VWA8: variants seen among roughly 807,000 people sequenced by gnomAD.
VWA8 encodes the protein von Willebrand factor A domain containing 8.
VWA8 carries 221 observed loss-of-function variants against 241.5 expected under a neutral mutation model. That is an observed-to-expected ratio of 0.91 (90% CI 0.82 to 1.02). The LOEUF (loss-of-function observed/expected upper bound fraction) is 1.02. Among genes scored for constraint, VWA8 ranks in the 50% least tolerant of loss-of-function variants. The pLI, the probability that VWA8 is intolerant of heterozygous loss-of-function variation, is 0.00. For missense variants in VWA8, 2,322 were observed against 2,328.7 expected (o/e 1.00, Z 0.06); for synonymous variants, 852 against 827.1 (o/e 1.03, Z -0.52).
intron 9 of VWA8, among the ~76,000 whole-genome samples, chr13:41,872,344 C>A (rs1428939369): frequency 1.3e-5 from 2 of 152,194 alleles, no homozygotes; most frequent in Non-Finnish European, 2.9e-5. Context: ...GCTTTTCTTG[C>A]CATTGCTTTT....
intron 37 of VWA8, among the ~76,000 whole-genome samples, chr13:41,647,692 A>G (rs1476627646): frequency 6.6e-6 from 1 of 152,192 alleles, no homozygotes; most frequent in Non-Finnish European, 1.5e-5. Context: ...TACATCGCTA[A>G]AAGAATTCAA....
intron 35 of VWA8, among the ~76,000 whole-genome samples, chr13:41,684,513 T>C (rs2045121968): frequency 6.6e-6 from 1 of 152,174 alleles, no homozygotes; most frequent in African/African-American, 2.4e-5. Flanking sequence ...CCAGTTATTT[T>C]AGTTCTGTGT....
At chr13:41,692,667 G>T (rs1014546317) in intron 30 of VWA8, among the ~76,000 whole-genome samples, 195 bp downstream of exon 30, 3 of 151,966 alleles carry the variant, frequency 2.0e-5, no homozygotes, top group African/African-American at 4.8e-5. Flanking sequence ...GTCATAAAAA[G>T]AATTTATTGA....
chr13:41,805,003 A>G (rs1334460534), intron 17 of VWA8, among the ~76,000 whole-genome samples: 2 of 152,228 alleles, frequency 1.3e-5, no homozygotes, highest in Non-Finnish European at 2.9e-5. Flanking sequence ...AAGAAGAAAG[A>G]GAAGACCATA....
chr13:41,703,472 A>T, intron 26 of VWA8, 61 bp from the exon 27 acceptor site: 1 of 1,436,030 alleles, frequency 7.0e-7, no homozygotes, highest in South Asian at 1.2e-5. Flanking sequence ...AGAAAAAAAT[A>T]ACACGGCATC....
Position 41,685,248 on chromosome 13 carries a change from A to G in VWA8, c.4132-6T>C. The G allele has an allele frequency of 1.2e-6, 2 of 1,608,878 alleles. No homozygotes were observed. The highest frequency in any genetic ancestry group is 2.2e-5 in the East Asian group (1 of 44,764). On this transcript the variant is annotated splice_region_variant and splice_polypyrimidine_tract_variant and intron_variant, in intron 34 of 44. Transcript: ENST00000379310. ...GAATAAACTTCACTGGGTGACTGAAAAAAAGAAAGAGATTAAAGTACTGAA... is the reference window on the plus strand; with the variant it reads ...GAATAAACTTCACTGGGTGACTGAAGAAAAGAAAGAGATTAAAGTACTGAA...
intron 14 of VWA8, among the ~76,000 whole-genome samples, chr13:41,820,458 C>A (rs912385280): frequency 1.3e-5 from 2 of 152,078 alleles, no homozygotes; most frequent in Non-Finnish European, 2.9e-5. Context: ...TCTACCAAGT[C>A]CCTGACGGCA....
At chr13:41,580,342 G>A (rs569491419) in intron 42 of VWA8, among the ~76,000 whole-genome samples, 42 of 152,308 alleles carry the variant, frequency 2.8e-4, no homozygotes, top group Non-Finnish European at 5.4e-4. Context: ...GTAGCAATAA[G>A]AATTTATTCA....
intron 17 of VWA8, among the ~76,000 whole-genome samples, chr13:41,807,065 T>C (rs926410729): frequency 6.6e-6 from 1 of 152,040 alleles, no homozygotes; most frequent in Non-Finnish European, 1.5e-5. Context: ...TGAGAAACTA[T>C]ATGCCAACAC....
chr13:41,770,289 A>C (rs2045809902), intron 20 of VWA8, among the ~76,000 whole-genome samples: 1 of 151,696 alleles, frequency 6.6e-6, no homozygotes, highest in African/African-American at 2.4e-5. Context: ...AAATACAAAA[A>C]AATTAGCCAG....
chr13:41,745,653 A>C (rs1276091143), intron 21 of VWA8, among the ~76,000 whole-genome samples: 2 of 152,174 alleles, frequency 1.3e-5, no homozygotes, highest in Non-Finnish European at 2.9e-5. Context: ...CAAAACCACA[A>C]TGAGATGCCA....
chr13:41,907,537 G>T (rs1447351355), intron 4 of VWA8, 49 bp downstream of exon 4: 3 of 1,522,600 alleles, frequency 2.0e-6, no homozygotes, highest in African/African-American at 1.4e-5. Context: ...AATCAATCTT[G>T]TATAGACCTG....
chr13:41,586,016 G>C (rs1437158274), intron 42 of VWA8, among the ~76,000 whole-genome samples: 1 of 152,032 alleles, frequency 6.6e-6, no homozygotes, highest in Middle Eastern at 3.2e-3. Context: ...CATTAGGTAG[G>C]ATATGGGTAT....
chr13:41,930,058 A>C (rs527624386), intron 2 of VWA8, among the ~76,000 whole-genome samples: 54 of 152,234 alleles, frequency 3.5e-4, no homozygotes, highest in Non-Finnish European at 2.5e-4. Context: ...ACCCAATTTA[A>C]AAATGGGCAA....
chr13:41,960,598 C>A (rs1049396847), intron 1 of VWA8, among the ~76,000 whole-genome samples: 1 of 152,226 alleles, frequency 6.6e-6, no homozygotes, highest in Non-Finnish European at 1.5e-5. Flanking sequence ...AGAAATCACT[C>A]TTCTAGGTCA....
intron 9 of VWA8, among the ~76,000 whole-genome samples, chr13:41,874,918 T>C (rs1023788753): frequency 6.6e-6 from 1 of 152,064 alleles, no homozygotes; most frequent in Non-Finnish European, 1.5e-5. Flanking sequence ...AGAGGCAATC[T>C]AGCTGCCTCC....
At position 41,623,693 on chromosome 13, in the gene VWA8, G is replaced by A. The variant is rs182897891; in HGVS notation, c.4612-8609C>T. 3.0e-3 allele frequency among the ~76,000 whole-genome samples: 460 copies of A among 152,278 alleles called. 2 individuals are homozygous for A. The highest frequency in any genetic ancestry group is 0.01 in the African/African-American group (428 of 41,562). On this transcript the variant is annotated intron_variant, in intron 37 of 44. Transcript: ENST00000379310. The stretch of plus-strand genomic sequence containing the variant: ...CATACTCTTGTGCAAACATTCCTAT[G>A]TATGTGTGTGGTGCATCTAGTACTC...
intron 21 of VWA8, among the ~76,000 whole-genome samples, chr13:41,758,044 G>C (rs1476011270): frequency 6.6e-6 from 1 of 151,306 alleles, no homozygotes; most frequent in Non-Finnish European, 1.5e-5. Flanking sequence ...TCCAGATAAT[G>C]TAGAATGAAC....
At chr13:41,690,074 G>A in intron 33 of VWA8, 92 bp downstream of exon 33, 2 of 1,092,108 alleles carry the variant, frequency 1.8e-6, no homozygotes. Context: ...ACTTAACATA[G>A]GCTGGTGTTT....
Sources: allele counts gnomAD v4.1 joint callset (sites outside exome capture counted in the v4.1 genomes callset), GRCh38; gene constraint gnomAD v4.1.1; transcripts MANE v1.5; gene names NCBI Gene and HGNC (gene_info 2026-07-23, HGNC 2026-07-21).